The following CPLANE1 variants were observed in gnomAD, a reference collection of about 807,000 sequenced individuals.
CPLANE1 encodes ciliogenesis and planar polarity effector 1.
A neutral mutation model predicts 362.5 loss-of-function variants in CPLANE1; 263 were observed. That is an observed-to-expected ratio of 0.73 (90% CI 0.66 to 0.80). The LOEUF (loss-of-function observed/expected upper bound fraction) is 0.80. Among genes scored for constraint, CPLANE1 ranks in the 30% least tolerant of loss-of-function variants. The probability of loss-of-function intolerance (pLI) is 0.00; values close to 1 mark genes in which losing one functional copy is unlikely to be tolerated. For missense variants in CPLANE1, 3,461 were observed against 3,793.4 expected (o/e 0.91, Z 2.30); for synonymous variants, 1,212 against 1,302.6 (o/e 0.93, Z 1.50).
At chr5:37,197,790 T>C (rs1787961245) in intron 20 of CPLANE1, among the ~76,000 whole-genome samples, 1 of 152,168 alleles carries the variant, frequency 6.6e-6, no homozygotes, top group South Asian at 2.1e-4. Context: ...TTTTAGTATA[T>C]TCACAAAGTT....
rs1046585336 is a variant in CPLANE1, at chr5:37,249,371, G to A, written c.-174C>T. On this transcript the variant is annotated 5_prime_UTR_variant, in exon 1 of 53. Transcript: ENST00000651892. ...CAGCCCTGACGCGAGCCTGCGTCCTGGCGACGGCGGAGGGCGGGCAGGGGG... is the reference window on the plus strand; with the variant it reads ...CAGCCCTGACGCGAGCCTGCGTCCTAGCGACGGCGGAGGGCGGGCAGGGGG... The A allele has an allele frequency of 6.6e-6, 1 of 152,358 alleles. No homozygotes were observed. Among genetic ancestry groups the A allele is most frequent in the East Asian group, 1.9e-4 (1 of 5,192 alleles). 9.4% of individuals were successfully genotyped at this position (152,358 alleles called of 1,614,324 possible). A position where few individuals can be genotyped will look rare whatever the true frequency, so the allele number is the denominator to read the frequency against.
chr5:37,181,006 C>G lies in CPLANE1; in HGVS notation c.5422-1G>C. 6.2e-7 allele frequency: 1 copy of G among 1,612,490 alleles called. No individual in the cohort carries two copies. The highest frequency in any genetic ancestry group is 8.5e-7 in the Non-Finnish European group (1 of 1,179,158). ...ACCCAGTGTCACGATTCTCTACCAT[C>G]TAAAGCAAACCATTTAAAGTATTTA... is the stretch of plus-strand genomic sequence containing the variant. On this transcript the variant is annotated splice_acceptor_variant, in intron 26 of 52. Coordinates refer to ENST00000651892, the MANE Select transcript of CPLANE1 (RefSeq NM_001384732.1). LOFTEE classifies it high-confidence loss of function.
chr5:37,110,803 C>CTTTTTTTTT (rs529885756), intron 51 of CPLANE1, among the ~76,000 whole-genome samples: 2 of 125,046 alleles, frequency 1.6e-5, no homozygotes, highest in Non-Finnish European at 1.7e-5. Context: ...AATGTATTAA[C>CTTTTTTTTT]TTTTTTTTTT....
intron 21 of CPLANE1, among the ~76,000 whole-genome samples, chr5:37,190,853 G>A (rs1785338957): frequency 6.6e-6 from 1 of 152,098 alleles, no homozygotes. Context: ...TGCACTGCCA[G>A]TCATATAAAA....
intron 46 of CPLANE1, among the ~76,000 whole-genome samples, chr5:37,132,800 T>C (rs1338006228): frequency 6.6e-6 from 1 of 152,232 alleles, no homozygotes; most frequent in Non-Finnish European, 1.5e-5. Flanking sequence ...TGTCAATTTT[T>C]GTTTTTGTTA....
chr5:37,233,326 A>G (rs1798173384), intron 8 of CPLANE1, among the ~76,000 whole-genome samples: 1 of 152,034 alleles, frequency 6.6e-6, no homozygotes, highest in Non-Finnish European at 1.5e-5. Flanking sequence ...GTTGAGACTG[A>G]GATGTGAGCA....
the CPLANE1 span, chr5:37,085,527 A>G: frequency 8.7e-5 from 70 of 808,466 alleles, 2 homozygotes; most frequent in South Asian, 9.3e-4. Context: ...GGTAAATGAT[A>G]CCATTCAGAC....
At chr5:37,110,651 C>T (rs1028971345) in intron 51 of CPLANE1, among the ~76,000 whole-genome samples, 1 of 151,980 alleles carries the variant, frequency 6.6e-6, no homozygotes, top group East Asian at 1.9e-4. Context: ...ACTCAATGGG[C>T]AGTTGCTGAG....
intron 16 of CPLANE1, among the ~76,000 whole-genome samples, chr5:37,207,700 T>C (rs1052878243): frequency 1.3e-5 from 2 of 152,222 alleles, no homozygotes; most frequent in Non-Finnish European, 2.9e-5. Flanking sequence ...TGTTGCCATC[T>C]TTATTAAATT....
Position 37,173,828 on chromosome 5 carries a change from A to C in CPLANE1, c.6098T>G (p.Phe2033Cys), listed in dbSNP as rs10076911. 0.12 allele frequency: 187,365 copies of C among 1,613,758 alleles called. 12,862 individuals carry two copies. Among genetic ancestry groups the C allele is most frequent in the African/African-American group, 0.31 (23,405 of 74,914 alleles). The change falls in exon 32 of 53, where the codon TTC (phenylalanine) becomes TGC (cysteine). Residue 2033 changes from phenylalanine (F) to cysteine (C), a missense_variant. This residue lies in a region of CPLANE1 where 3,380 missense variants were observed against 3,666.1 expected (regional missense o/e 0.92). Coordinates refer to ENST00000651892, the MANE Select transcript of CPLANE1 (RefSeq NM_001384732.1). The part of the protein sequence containing the change: ...PTPQKTQRNE[F>C]TAQLPDCSES... Reference sequence around the variant, plus strand: ...CGAACAATCTGGTAACTGAGCCGTGAATTCATTTCTCTGGGTCTTCTGAGG... The same window carrying C: ...CGAACAATCTGGTAACTGAGCCGTGCATTCATTTCTCTGGGTCTTCTGAGG...
In CPLANE1 at chr5:37,187,724, G is replaced by A; in HGVS notation, c.3921+9C>T. The A allele has an allele frequency of 6.2e-7, 1 of 1,606,088 alleles. No individual in the cohort carries two copies. Among genetic ancestry groups the A allele is most frequent in the Non-Finnish European group, 8.5e-7 (1 of 1,174,570 alleles). ...TGTTCATTTTTCTTATTTTTGCCCTGGTAAATACCTTTTCTCCTTTTACAT... is the reference window on the plus strand; with the variant it reads ...TGTTCATTTTTCTTATTTTTGCCCTAGTAAATACCTTTTCTCCTTTTACAT... On this transcript the variant is annotated intron_variant, in intron 22 of 52. Coordinates refer to ENST00000651892, the MANE Select transcript of CPLANE1 (RefSeq NM_001384732.1).
intron 34 of CPLANE1, among the ~76,000 whole-genome samples, chr5:37,167,945 A>G (rs1778751426): frequency 6.6e-6 from 1 of 152,158 alleles, no homozygotes; most frequent in Admixed American, 6.6e-5. Flanking sequence ...TGGGTGATAA[A>G]AACTTGGGGT....
chr5:37,173,651 G>T, intron 32 of CPLANE1, 104 bp downstream of exon 32: 2 of 957,860 alleles, frequency 2.1e-6, no homozygotes, highest in Non-Finnish European at 3.1e-6. Context: ...AGAAATGCTT[G>T]TGATATAATT....
rs2149834453 is a variant in CPLANE1, at chr5:37,106,471, T to C, written c.*1131A>G. 1 of 354,094 alleles carries C rather than the reference T, an allele frequency of 2.8e-6. No homozygotes were observed. The highest frequency in any genetic ancestry group is 1.6e-4 in the East Asian group (1 of 6,074). The allele number at this position is 354,094 out of a possible 1,614,324, so 21.9% of individuals were successfully genotyped here. A position where few individuals can be genotyped will look rare whatever the true frequency, so the allele number is the denominator to read the frequency against. On this transcript the variant is annotated 3_prime_UTR_variant, in exon 53 of 53. Coordinates refer to ENST00000651892, the MANE Select transcript of CPLANE1 (RefSeq NM_001384732.1). ...CATAAAAATGTACAACTATCATGTA[T>C]CAATAAAATACCCATAGAATATACA...
chr5:37,105,374 A>G (rs1041116335), downstream of CPLANE1, among the ~76,000 whole-genome samples: 15 of 152,236 alleles, frequency 9.9e-5, no homozygotes, highest in Non-Finnish European at 1.6e-4. Flanking sequence ...CCATGCATTT[A>G]CAGCCAGCCC....
chr5:37,194,414 T>G (rs1330515691), intron 21 of CPLANE1, among the ~76,000 whole-genome samples: 1 of 152,220 alleles, frequency 6.6e-6, no homozygotes, highest in Non-Finnish European at 1.5e-5. Flanking sequence ...CTGGGATTGT[T>G]GTGAATTTAA....
chr5:37,176,938 T>G (rs1781332066), intron 30 of CPLANE1, among the ~76,000 whole-genome samples: 1 of 152,072 alleles, frequency 6.6e-6, no homozygotes, highest in African/African-American at 2.4e-5. Context: ...TTTTGTATTT[T>G]TAGTAGAGAC....
rs1188408039 is a variant in CPLANE1 at position 37,148,220 on chromosome 5, T to C, written c.8422A>G (p.Lys2808Glu). 1 of 1,613,032 alleles carries C rather than the reference T, an allele frequency of 6.2e-7. No individual in the cohort carries two copies. The highest frequency in any genetic ancestry group is 1.7e-5 in the Admixed American group (1 of 59,966). Residue 2808 changes from lysine (K) to glutamate (E), a missense_variant, in exon 43 of 53, where the codon AAA (lysine) becomes GAA (glutamate). Physicochemically the swap from Lys to Glu is moderately conservative, Grantham distance 56. Coordinates refer to ENST00000651892, the MANE Select transcript of CPLANE1 (RefSeq NM_001384732.1). Reference sequence around the variant, plus strand: ...CTAATGGTTTTTGAAGCTAATGTTTTTTTGAATTCAGGGCCAGAAGAGAAT... The same window carrying C: ...CTAATGGTTTTTGAAGCTAATGTTTCTTTGAATTCAGGGCCAGAAGAGAAT... ...IEFSSGPEFK[K>E]TLASKTISIS...
At chr5:37,190,501 C>A (rs571396188) in intron 21 of CPLANE1, among the ~76,000 whole-genome samples, 1 of 151,944 alleles carries the variant, frequency 6.6e-6, no homozygotes, top group East Asian at 1.9e-4. Flanking sequence ...TCACTTGAAC[C>A]TGGGAGGTCA....
Sources: gnomAD v4.1 joint callset for allele counts (sites outside exome capture counted in the v4.1 genomes callset) on GRCh38, gnomAD v4.1.1 for gene constraint, gnomAD v4.1.1 regional missense constraint, MANE v1.5 for transcripts, NCBI Gene and HGNC (gene_info 2026-07-23, HGNC 2026-07-21) for gene names.